Variants in PPP1R42 observed in about 807,000 individuals in gnomAD.
The protein encoded by PPP1R42 is leucine rich repeat containing 67.
PPP1R42 carries 34 observed loss-of-function variants against 31.0 expected under a neutral mutation model. That is an observed-to-expected ratio of 1.10 (90% CI 0.83 to 1.46). The LOEUF is 1.46. Ranked by LOEUF, PPP1R42 falls within the 40% of genes most tolerant of loss-of-function variation. The probability of loss-of-function intolerance (pLI) is 0.00; values close to 1 mark genes in which losing one functional copy is unlikely to be tolerated. For synonymous variants in PPP1R42, 103 were observed against 109.8 expected, an observed-to-expected ratio of 0.94 and a Z score of 0.39; for missense variants, 268 against 303.0, an observed-to-expected ratio of 0.88 and a Z score of 0.86.
intron 7 of PPP1R42, among the ~76,000 whole-genome samples, chr8:66,972,482 C>A (rs891663862): frequency 1.3e-5 from 2 of 152,068 alleles, no homozygotes; most frequent in Non-Finnish European, 2.9e-5. Flanking sequence ...CTTTGCCTCC[C>A]GGGTTCAAGT....
At position 67,014,542 on chromosome 8, in the gene PPP1R42, A is replaced by T; in HGVS notation, c.180T>A (p.Asn60Lys). Residue 60 changes from asparagine (N) to lysine (K), a missense_variant, in exon 3 of 8, where the codon AAT becomes AAA. Asn to Lys is a moderately conservative substitution (Grantham distance 94, BLOSUM62 0). Transcript: ENST00000685739. ...TCAGGTTAGTGATTTGACTAATACA[A>T]TTATCATATAAATATAAAACACTAA... Reference protein sequence around the residue: ...KNLSVLYLYDNCISQITNLNY... With the variant: ...KNLSVLYLYDKCISQITNLNY... 3 of 1,552,022 alleles carry T rather than the reference A, an allele frequency of 1.9e-6. No homozygotes were observed. Among genetic ancestry groups the T allele is most frequent in the Non-Finnish European group, 2.6e-6 (3 of 1,135,658 alleles).
Position 66,964,301 on chromosome 8 carries a change from C to T in PPP1R42, c.*20G>A. ...GAGGTTCATGCACATCATTTTTTGT[C>T]AGCAAGCTTTCAGATTGCTTCAAAG... On this transcript the variant is annotated 3_prime_UTR_variant, in exon 8 of 8. Coordinates refer to ENST00000685739, the MANE Select transcript of PPP1R42 (RefSeq NM_001364910.1). 4 of 1,279,680 alleles carry T rather than the reference C, an allele frequency of 3.1e-6. No homozygotes were observed. The highest frequency in any genetic ancestry group is 4.1e-6 in the Non-Finnish European group (4 of 985,294). The allele number at this position is 1,279,680 out of a possible 1,614,324, so 79.3% of individuals were successfully genotyped here. A position where few individuals can be genotyped will look rare whatever the true frequency, so the allele number is the denominator to read the frequency against.
At chr8:66,980,641 G>A (rs1241902073) in intron 7 of PPP1R42, among the ~76,000 whole-genome samples, 2 of 152,072 alleles carry the variant, frequency 1.3e-5, no homozygotes, top group East Asian at 3.9e-4. Flanking sequence ...GAGCTCCTAG[G>A]ATATGCTATC....
At chr8:66,975,267 T>C (rs1045746396) in intron 7 of PPP1R42, among the ~76,000 whole-genome samples, 2 of 152,246 alleles carry the variant, frequency 1.3e-5, no homozygotes, top group African/African-American at 4.8e-5. Flanking sequence ...TCCTGGGTAT[T>C]TTATTCTTTT....
intron 6 of PPP1R42, chr8:66,984,544 C>T (rs553835075): frequency 8.1e-7 from 1 of 1,240,804 alleles, no homozygotes; most frequent in East Asian, 2.3e-5. Flanking sequence ...TTTCTAACTC[C>T]ATCTCAATCT....
At chr8:66,998,001 G>C (rs1250006799) in intron 5 of PPP1R42, among the ~76,000 whole-genome samples, 1 of 152,080 alleles carries the variant, frequency 6.6e-6, no homozygotes, top group Non-Finnish European at 1.5e-5. Flanking sequence ...TAAGAATACA[G>C]AGCCTTCAAC....
chr8:67,003,092 G>A (rs569537773), intron 5 of PPP1R42, among the ~76,000 whole-genome samples: 5 of 149,002 alleles, frequency 3.4e-5, no homozygotes, highest in East Asian at 3.9e-4. Context: ...TTTGAACCCC[G>A]GAGGCGGAGG....
chr8:67,022,647 A>G (rs1032758233), intron 1 of PPP1R42, among the ~76,000 whole-genome samples: 8 of 152,100 alleles, frequency 5.3e-5, no homozygotes, highest in Admixed American at 1.3e-4. Flanking sequence ...TGAACATGTT[A>G]AAGTTTTCCT....
intron 1 of PPP1R42, among the ~76,000 whole-genome samples, chr8:67,019,587 C>G (rs1271640396): frequency 6.6e-6 from 1 of 151,830 alleles, no homozygotes; most frequent in African/African-American, 2.4e-5. Flanking sequence ...GTAAAAAAGG[C>G]CCTCGAGGAA....
chr8:67,026,893 A>G (rs1460763489), intron 1 of PPP1R42: 1 of 149,366 alleles, frequency 6.7e-6, no homozygotes, highest in Admixed American at 6.6e-5. Context: ...GTCATTTTTC[A>G]AGTGCTTTTT....
chr8:66,990,720 T>C (rs1482927499), intron 5 of PPP1R42, among the ~76,000 whole-genome samples: 1 of 152,204 alleles, frequency 6.6e-6, no homozygotes, highest in Non-Finnish European at 1.5e-5. Flanking sequence ...CATACTCCAA[T>C]CTTTATCGGA....
rs180868129 is a variant in PPP1R42, at chr8:67,020,263, C to T, written c.-84-2432G>A. Among the ~76,000 whole-genome samples the T allele has an allele frequency of 2.5e-3, 373 of 152,082 alleles. 1 individual carries two copies. The highest frequency in any genetic ancestry group is 8.7e-3 in the African/African-American group (360 of 41,480). On this transcript the variant is annotated intron_variant, in intron 1 of 7. Transcript: ENST00000685739. ...TGTTGCCCAGGCTGGAGTGCAATGG[C>T]GCGATCTCGGCTCACTGCAACCTCC...
At chr8:66,985,675 TG>T in intron 6 of PPP1R42, 1 of 1,329,860 alleles carries the variant, frequency 7.5e-7, no homozygotes, top group Non-Finnish European at 1.1e-6. Flanking sequence ...CTGAATAGTG[TG>T]GCCAATTGGA....
At position 67,017,756 on chromosome 8, in the gene PPP1R42, T is replaced by C; in HGVS notation, c.-9A>G. On this transcript the variant is annotated 5_prime_UTR_variant, in exon 2 of 8. It adds an upstream start codon to the 5' untranslated region. Coordinates refer to ENST00000685739, the MANE Select transcript of PPP1R42 (RefSeq NM_001364910.1). ...AAGGTCAGTCGAACCATAATTTCTT[T>C]ATAAATCAAACTCTCAGCAAAAGCT... 1.9e-6 allele frequency: 3 copies of C among 1,573,544 alleles called. No individual in the cohort carries two copies. The highest frequency in any genetic ancestry group is 2.6e-6 in the Non-Finnish European group (3 of 1,163,280).
At chr8:66,991,526 T>G (rs1157915230) in intron 5 of PPP1R42, among the ~76,000 whole-genome samples, 1 of 152,206 alleles carries the variant, frequency 6.6e-6, no homozygotes, top group Non-Finnish European at 1.5e-5. Context: ...TTCTCTTCAG[T>G]GGTTGACCTT....
At chr8:67,027,744 CTT>C (rs1393463108) in intron 1 of PPP1R42, among the ~76,000 whole-genome samples, 1 of 152,092 alleles carries the variant, frequency 6.6e-6, no homozygotes, top group Non-Finnish European at 1.5e-5. Context: ...TGTGAAGTGT[CTT>C]TGGTTTTCTT....
intron 7 of PPP1R42, among the ~76,000 whole-genome samples, chr8:66,969,472 G>C (rs542020497): frequency 6.6e-6 from 1 of 152,170 alleles, no homozygotes; most frequent in Non-Finnish European, 1.5e-5. Flanking sequence ...TATTGTGAAT[G>C]GAGAGGAGGC....
chr8:67,015,341 A>G (rs1266607999), intron 2 of PPP1R42, among the ~76,000 whole-genome samples: 4 of 152,184 alleles, frequency 2.6e-5, no homozygotes, highest in African/African-American at 9.7e-5. Flanking sequence ...TTTAAAAACT[A>G]TGATAATGCT....
At chr8:66,996,315 G>A (rs950908216) in intron 5 of PPP1R42, among the ~76,000 whole-genome samples, 4 of 152,220 alleles carry the variant, frequency 2.6e-5, no homozygotes, top group African/African-American at 7.2e-5. Flanking sequence ...GCCTCCCAAA[G>A]TGCTGGGATC....
Sources: gnomAD v4.1 joint callset for allele counts (sites outside exome capture counted in the v4.1 genomes callset) on GRCh38, gnomAD v4.1.1 for gene constraint, MANE v1.5 for transcripts, NCBI Gene and HGNC (gene_info 2026-07-23, HGNC 2026-07-21) for gene names.